The following APBA1 variants were observed in gnomAD, a reference collection of about 807,000 sequenced individuals.
APBA1 encodes the protein amyloid-beta A4 precursor protein-binding family A member 1.
In APBA1, 55 loss-of-function variants were observed where a neutral mutation model predicts 86.6. The observed-to-expected ratio is 0.64, with a 90% CI of 0.51 to 0.80. The LOEUF (loss-of-function observed/expected upper bound fraction) is 0.80, where lower values mean the gene tolerates loss of function less well. APBA1 is among the 30% of genes least tolerant of loss of function. APBA1 has a pLI of 0.00. For synonymous variants in APBA1, 511 were observed against 493.9 expected (o/e 1.03, Z -0.46); for missense variants, 1,090 against 1,183.0 (o/e 0.92, Z 1.15).
chr9:69,526,403 G>A (rs562296851), intron 1 of APBA1, among the ~76,000 whole-genome samples: 11 of 152,134 alleles, frequency 7.2e-5, no homozygotes, highest in South Asian at 6.2e-4. Flanking sequence ...CCATTAAAAC[G>A]AGGAAAAGAC....
chr9:69,467,853 C>A lies in APBA1; in HGVS notation c.1452G>T (p.Met484Ile), dbSNP rs759146317. The change falls in exon 5 of 13, where the codon ATG (methionine) becomes ATT (isoleucine). Residue 484 changes from methionine to isoleucine, a missense_variant. Physicochemically the swap from Met to Ile is conservative, Grantham distance 10. Around this residue, in one of 6 missense-constraint regions of APBA1, gnomAD observed 76 missense variants for 122.2 expected, o/e 0.62. Coordinates refer to ENST00000265381, the MANE Select transcript of APBA1 (RefSeq NM_001163.4). ...DKTPSKNVRM[M>I]QAQEAVSRIK... is the part of the protein sequence containing the mutation. Reference sequence around the variant, plus strand: ...TCCTGCTTACGGCTTCCTGGGCCTGCATCATGCGCACGTTTTTGGAAGGAG... The same window carrying A: ...TCCTGCTTACGGCTTCCTGGGCCTGAATCATGCGCACGTTTTTGGAAGGAG... 1.2e-6 allele frequency: 2 copies of A among 1,614,174 alleles called. No individual in the cohort carries two copies. The highest frequency in any genetic ancestry group is 4.5e-5 in the East Asian group (2 of 44,886).
chr9:69,491,987 A>G (rs1835720438), intron 2 of APBA1, among the ~76,000 whole-genome samples: 1 of 151,464 alleles, frequency 6.6e-6, no homozygotes, highest in Non-Finnish European at 1.5e-5. Flanking sequence ...ATGGTCTCGA[A>G]CTCCTGACCT....
At chr9:69,553,958 T>C (rs1219995933) in intron 1 of APBA1, among the ~76,000 whole-genome samples, 1 of 152,102 alleles carries the variant, frequency 6.6e-6, no homozygotes, top group African/African-American at 2.4e-5. Context: ...TTCCAGGTCT[T>C]AGAAAACAAC....
intron 1 of APBA1, among the ~76,000 whole-genome samples, chr9:69,533,681 T>A (rs1836465872): frequency 6.6e-6 from 1 of 152,256 alleles, no homozygotes; most frequent in Admixed American, 6.5e-5. Flanking sequence ...AGAGTTGTTA[T>A]ACTTTTGTTG....
intron 1 of APBA1, among the ~76,000 whole-genome samples, chr9:69,567,700 C>T (rs779247225): frequency 1.1e-4 from 16 of 152,162 alleles, no homozygotes; most frequent in Non-Finnish European, 2.2e-4. Context: ...GCCTCACGCT[C>T]TCATGTCAGT....
At chr9:69,488,527 G>C (rs1236099096) in intron 2 of APBA1, among the ~76,000 whole-genome samples, 1 of 152,066 alleles carries the variant, frequency 6.6e-6, no homozygotes, top group Non-Finnish European at 1.5e-5. Flanking sequence ...TTTGAGAATG[G>C]TGGTCATCAT....
At chr9:69,571,785 T>C (rs923846505) in intron 1 of APBA1, among the ~76,000 whole-genome samples, 1 of 152,232 alleles carries the variant, frequency 6.6e-6, no homozygotes, top group Admixed American at 6.5e-5. Context: ...TGCAAGGAAA[T>C]GTAGGCCATT....
Position 69,516,925 on chromosome 9 carries a change from C to G in APBA1, c.286G>C (p.Val96Leu). 1 of 1,594,412 alleles carries G rather than the reference C, an allele frequency of 6.3e-7. No individual in the cohort carries two copies. The highest frequency in any genetic ancestry group is 1.1e-5 in the South Asian group (1 of 90,342). Residue 96 changes from valine to leucine, a missense_variant, in exon 2 of 13, where the codon GTG (valine) becomes CTG (leucine). Val to Leu is a conservative substitution (Grantham distance 32). Coordinates refer to ENST00000265381, the MANE Select transcript of APBA1 (RefSeq NM_001163.4). This position sits in a 1 kb window ranked among gnomAD's most constrained non-coding sequence, Gnocchi z 7.3. ...HNHTDTAEGD[V>L]IAAARDGYDA... ...TAGCCGTCGCGGGCCGCGGCGATCA[C>G]GTCGCCCTCGGCGGTGTCCGTGTGG...
At chr9:69,434,597 C>T (rs1834666328) in intron 11 of APBA1, among the ~76,000 whole-genome samples, 1 of 151,744 alleles carries the variant, frequency 6.6e-6, no homozygotes, top group Non-Finnish European at 1.5e-5. Flanking sequence ...GTCCCAGCTA[C>T]TCAGGAGGCT....
At chr9:69,470,798 A>C (rs989846012) in intron 4 of APBA1, among the ~76,000 whole-genome samples, 5 of 152,106 alleles carry the variant, frequency 3.3e-5, no homozygotes, top group African/African-American at 1.2e-4. Context: ...ACCTCTAGCC[A>C]GAGAGTGAGT....
intron 1 of APBA1, among the ~76,000 whole-genome samples, chr9:69,657,247 G>C (rs1823631397): frequency 6.6e-6 from 1 of 152,228 alleles, no homozygotes; most frequent in South Asian, 2.1e-4. Flanking sequence ...AAGAACAAGA[G>C]ATGATGGCTA....
chr9:69,533,168 T>C (rs528799810), intron 1 of APBA1, among the ~76,000 whole-genome samples: 42 of 152,286 alleles, frequency 2.8e-4, no homozygotes, highest in African/African-American at 9.9e-4. Flanking sequence ...TTGCTGTGTA[T>C]GTATGATGGA....
chr9:69,556,676 G>C (rs980588989), intron 1 of APBA1, among the ~76,000 whole-genome samples: 4 of 152,178 alleles, frequency 2.6e-5, no homozygotes, highest in African/African-American at 9.7e-5. Context: ...ACTGTGACAG[G>C]TTGTTTTATT....
chr9:69,636,824 AGAGAGAGGGAGG>A (rs1324995768), intron 1 of APBA1, among the ~76,000 whole-genome samples: 621 of 40,664 alleles, frequency 0.015, 70 homozygotes, highest in African/African-American at 0.051. Context: ...AGAGAGAGAG[AGAGAGAGGGAGG>A]GAGGGAGGGA....
chr9:69,504,550 G>A (rs1835924705), intron 2 of APBA1, among the ~76,000 whole-genome samples: 1 of 152,048 alleles, frequency 6.6e-6, no homozygotes, highest in Non-Finnish European at 1.5e-5. Context: ...TCACTATGGG[G>A]TGATCAGGTG....
At position 69,448,653 on chromosome 9, in the gene APBA1, G is replaced by T. The variant is rs1021073701; in HGVS notation, c.2181+931C>A. Among the ~76,000 whole-genome samples, 6 of 151,658 alleles carry T rather than the reference G, an allele frequency of 4.0e-5. No homozygotes were observed. In the South Asian group the frequency reaches 1.0e-3, roughly 26 times the overall value. On this transcript the variant is annotated intron_variant, in intron 10 of 12. Coordinates refer to ENST00000265381, the MANE Select transcript of APBA1 (RefSeq NM_001163.4). ...TTTTGCTCACAATGACTATTTGCACGAATTAATCCCCTTCCTTCTCCCTCT... is the reference window on the plus strand; with the variant it reads ...TTTTGCTCACAATGACTATTTGCACTAATTAATCCCCTTCCTTCTCCCTCT...
At chr9:69,578,358 G>C (rs1404851790) in intron 1 of APBA1, among the ~76,000 whole-genome samples, 1 of 152,196 alleles carries the variant, frequency 6.6e-6, no homozygotes, top group South Asian at 2.1e-4. Flanking sequence ...TGCGCTGATA[G>C]GTATGGGAAG....
intron 1 of APBA1, among the ~76,000 whole-genome samples, chr9:69,577,470 C>G (rs535487502): frequency 3.2e-4 from 49 of 152,260 alleles, no homozygotes; most frequent in African/African-American, 1.1e-3. Flanking sequence ...ACAAGGGGAA[C>G]AGTTTCCCTC....
intron 1 of APBA1, 42 bp from the exon 2 acceptor site, chr9:69,517,321 C>G: frequency 7.2e-7 from 1 of 1,391,342 alleles, no homozygotes; most frequent in Non-Finnish European, 9.3e-7. Flanking sequence ...GTGGTGCAAA[C>G]AGTCGTTATG....
Sources: gnomAD v4.1 joint callset for allele counts (sites outside exome capture counted in the v4.1 genomes callset) on GRCh38, gnomAD v4.1.1 for gene constraint, gnomAD v4.1.1 regional missense constraint, Gnocchi (gnomAD v3.1) non-coding constraint, MANE v1.5 for transcripts, NCBI Gene and HGNC (gene_info 2026-07-23, HGNC 2026-07-21) for gene names.